TTC7A: variants seen among roughly 807,000 people sequenced by gnomAD.
TTC7A encodes tetratricopeptide repeat domain 7A, also known as tetratricopeptide repeat protein 7A.
Under a neutral mutation model 103.7 loss-of-function variants are expected in TTC7A, and 110 were observed. The ratio of observed to expected loss-of-function variants is 1.06; its 90% confidence interval spans 0.91 to 1.24. The LOEUF is 1.24. Ranked by LOEUF, TTC7A falls within the 50% of genes most tolerant of loss-of-function variation. TTC7A has a pLI of 0.00. For synonymous variants in TTC7A, 521 were observed against 467.9 expected (o/e 1.11, Z -1.47); for missense variants, 1,340 against 1,116.3 (o/e 1.20, Z -2.86).
intron 11 of TTC7A, among the ~76,000 whole-genome samples, chr2:47,018,678 CATATGTAA>C (rs1161216690): frequency 6.6e-6 from 1 of 150,866 alleles, no homozygotes. Flanking sequence ...TATATATCTA[CATATGTAA>C]ATATATAGAT....
At chr2:47,006,574 G>A in intron 9 of TTC7A, 67 bp from the exon 10 acceptor site, 3 of 1,398,468 alleles carry the variant, frequency 2.1e-6, no homozygotes, top group Non-Finnish European at 3.0e-6. Flanking sequence ...AACTACCCTG[G>A]AAGGGTGCGG....
Position 46,975,075 on chromosome 2 carries a change from C to A in TTC7A, c.620C>A (p.Ala207Asp). 3 of 1,613,936 alleles carry A rather than the reference C, an allele frequency of 1.9e-6. No homozygotes were observed. The highest frequency in any genetic ancestry group is 2.5e-6 in the Non-Finnish European group (3 of 1,179,896). Reference sequence around the variant, plus strand: ...TGTTTTGAGAGGGCCTCCTGGATCGCTCAGGTGTTCCTGCAGGAATTGGAG... The same window carrying A: ...TGTTTTGAGAGGGCCTCCTGGATCGATCAGGTGTTCCTGCAGGAATTGGAG... ...ITCFERASWI[A>D]QVFLQELEKT... is the part of the protein sequence containing the mutation. Residue 207 changes from alanine (A) to aspartate (D), a missense_variant, in exon 4 of 20, where the codon GCT (alanine) becomes GAT (aspartate). Coordinates refer to ENST00000319190, the MANE Select transcript of TTC7A (RefSeq NM_020458.4).
At chr2:46,953,563 T>G (rs1671588699) in intron 2 of TTC7A, among the ~76,000 whole-genome samples, 1 of 152,186 alleles carries the variant, frequency 6.6e-6, no homozygotes, top group Non-Finnish European at 1.5e-5. Flanking sequence ...TCCAAGTAGC[T>G]CTGCTGGATG....
At chr2:46,925,632 G>A (rs543043392) in intron 2 of TTC7A, among the ~76,000 whole-genome samples, 41 of 152,258 alleles carry the variant, frequency 2.7e-4, no homozygotes, top group Non-Finnish European at 4.4e-4. Context: ...CTCATTTGAT[G>A]TGAAAAGGCA....
chr2:46,995,339 C>A, intron 8 of TTC7A, 140 bp downstream of exon 8: 1 of 827,088 alleles, frequency 1.2e-6, no homozygotes, highest in Non-Finnish European at 1.9e-6. Context: ...CTTCTTGGCC[C>A]TGGGCCCCCA....
At chr2:47,064,768 T>C (rs1684054686) in intron 19 of TTC7A, among the ~76,000 whole-genome samples, 1 of 152,092 alleles carries the variant, frequency 6.6e-6, no homozygotes, top group Non-Finnish European at 1.5e-5. Context: ...GGGAGGGTCA[T>C]TGGTTGGTCA....
chr2:47,008,827 A>G (rs1677706645), intron 10 of TTC7A, among the ~76,000 whole-genome samples: 1 of 151,854 alleles, frequency 6.6e-6, no homozygotes, highest in Admixed American at 6.6e-5. Flanking sequence ...GAGTTCCGTG[A>G]CATGATTTAG....
In TTC7A at chr2:47,060,981, A is replaced by T; in HGVS notation, c.2355+10A>T. 1 of 1,586,926 alleles carries T rather than the reference A, an allele frequency of 6.3e-7. No individual in the cohort carries two copies. Among genetic ancestry groups the T allele is most frequent in the South Asian group, 1.1e-5 (1 of 88,822 alleles). On this transcript the variant is annotated intron_variant, in intron 19 of 19. Transcript: ENST00000319190. The stretch of plus-strand genomic sequence containing the variant: ...CATCATGCATAGCCTGGTGAGTCAG[A>T]GCCCCCCGCGCTCCCACCACCTCCT...
chr2:46,930,280 A>T (rs1014017997), intron 2 of TTC7A, among the ~76,000 whole-genome samples: 2 of 151,232 alleles, frequency 1.3e-5, no homozygotes, highest in Non-Finnish European at 2.9e-5. Flanking sequence ...ATCAAGAAAA[A>T]TTTTAAAAAG....
intron 1 of TTC7A, among the ~76,000 whole-genome samples, chr2:46,950,098 C>T (rs1671275042): frequency 6.6e-6 from 1 of 152,244 alleles, no homozygotes; most frequent in Non-Finnish European, 1.5e-5. Flanking sequence ...AATTTGTCCC[C>T]GAGTCCTGGG....
intron 8 of TTC7A, among the ~76,000 whole-genome samples, chr2:46,996,898 CACGTTCACCCTCCAGTGAG>C (rs1212485709): frequency 4.3e-4 from 66 of 152,288 alleles, no homozygotes; most frequent in African/African-American, 1.5e-3. Context: ...GCCATTTCAC[CACGTTCACCCTCCAGTGAG>C]ACTGCCCTGG....
chr2:46,930,909 A>T (rs112344315), intron 2 of TTC7A, among the ~76,000 whole-genome samples: 4,183 of 152,322 alleles, frequency 0.027, 112 homozygotes, highest in African/African-American at 0.067. Flanking sequence ...AAAAGAAAAA[A>T]ATATATATAC....
intron 2 of TTC7A, among the ~76,000 whole-genome samples, chr2:46,927,850 C>T (rs1023108360): frequency 1.3e-5 from 2 of 149,372 alleles, no homozygotes; most frequent in Non-Finnish European, 3.0e-5. Context: ...GATTTATCCA[C>T]CAGCAGAAAC....
chr2:46,997,412 C>A (rs572115730), intron 8 of TTC7A, among the ~76,000 whole-genome samples: 1 of 152,036 alleles, frequency 6.6e-6, no homozygotes, highest in Non-Finnish European at 1.5e-5. Context: ...TGATTAGGTG[C>A]GCATTATGTT....
At chr2:47,027,783 C>G (rs73929358) in intron 14 of TTC7A, among the ~76,000 whole-genome samples, 1 of 152,096 alleles carries the variant, frequency 6.6e-6, no homozygotes, top group African/African-American at 2.4e-5. Context: ...TTGTAGAGAA[C>G]GAGGAGATGA....
intron 15 of TTC7A, among the ~76,000 whole-genome samples, chr2:47,032,339 G>T (rs967366292): frequency 6.6e-6 from 1 of 152,238 alleles, no homozygotes; most frequent in East Asian, 1.9e-4. Context: ...TTGTCAATGT[G>T]CAGAGTAACT....
Position 47,007,740 on chromosome 2 carries a change from G to T in TTC7A, c.1287+1016G>T, listed in dbSNP as rs542741948. Reference sequence around the variant, plus strand: ...CCTGAGTGCGGGGAGAGGCTTGCTGGGGAGCCTTCCCTACCCCCATCTGCT... The same window carrying T: ...CCTGAGTGCGGGGAGAGGCTTGCTGTGGAGCCTTCCCTACCCCCATCTGCT... On this transcript the variant is annotated intron_variant, in intron 10 of 19. Coordinates refer to ENST00000319190, the MANE Select transcript of TTC7A (RefSeq NM_020458.4). This position sits in a 1 kb window ranked among gnomAD's most constrained non-coding sequence, Gnocchi z 4.9. Among the ~76,000 whole-genome samples, 4 of 152,254 alleles carry T rather than the reference G, an allele frequency of 2.6e-5. No homozygotes were observed. In the East Asian group the frequency reaches 7.7e-4, roughly 29 times the overall value.
At chr2:46,980,215 TC>T (rs1339127122) in intron 5 of TTC7A, among the ~76,000 whole-genome samples, 10 of 136,114 alleles carry the variant, frequency 7.3e-5, no homozygotes, top group African/African-American at 2.1e-4. Flanking sequence ...ATACTCTCTC[TC>T]TTTTTTTTTT....
At chr2:47,073,560 C>G in intron 19 of TTC7A, 142 bp from the exon 20 acceptor site, 5 of 712,722 alleles carry the variant, frequency 7.0e-6, no homozygotes, top group Non-Finnish European at 1.2e-5. Flanking sequence ...GGCACAGTCA[C>G]TTAACAGTGC....
Sources: gnomAD v4.1 joint callset for allele counts (sites outside exome capture counted in the v4.1 genomes callset) on GRCh38, gnomAD v4.1.1 for gene constraint, Gnocchi (gnomAD v3.1) non-coding constraint, MANE v1.5 for transcripts, NCBI Gene and HGNC (gene_info 2026-07-23, HGNC 2026-07-21) for gene names.